Variants in AGFG1 observed in about 807,000 individuals in gnomAD.
AGFG1 encodes the protein arf-GAP domain and FG repeat-containing protein 1.
Under a neutral mutation model 60.6 loss-of-function variants are expected in AGFG1, and 10 were observed. The observed-to-expected ratio is 0.16, with a 90% CI of 0.10 to 0.28. AGFG1 has a LOEUF of 0.28. Ranked by LOEUF, AGFG1 falls within the 10% of genes least tolerant of loss-of-function variation. The pLI is 1.00. For synonymous variants in AGFG1, 247 were observed against 242.9 expected, an observed-to-expected ratio of 1.02 and a Z score of -0.16; for missense variants, 537 against 676.5, an observed-to-expected ratio of 0.79 and a Z score of 2.29.
chr2:227,519,456 G>A (rs1246047056), intron 2 of AGFG1, among the ~76,000 whole-genome samples: 1 of 151,856 alleles, frequency 6.6e-6, no homozygotes, highest in African/African-American at 2.4e-5. Context: ...TTAGCTATTG[G>A]ACCAAAAATG....
At chr2:227,520,175 G>C (rs758590740) in intron 3 of AGFG1, 112 bp downstream of exon 3, 75 of 609,804 alleles carry the variant, frequency 1.2e-4, no homozygotes, top group Non-Finnish European at 2.0e-4. Context: ...GAACTAGATA[G>C]GTATATAATT....
intron 2 of AGFG1, among the ~76,000 whole-genome samples, chr2:227,497,725 T>TG (rs1559173424): frequency 8.9e-4 from 64 of 71,894 alleles, no homozygotes; most frequent in Middle Eastern, 7.8e-3. Context: ...ATGAGTTTCT[T>TG]TCTTGTTTTG....
rs1656145482 is a variant in AGFG1 at position 227,557,171 on chromosome 2, C to T, written c.*2676C>T. 1 of 152,126 alleles carries T rather than the reference C, an allele frequency of 6.6e-6. No individual in the cohort carries two copies. The highest frequency in any genetic ancestry group is 2.4e-5 in the African/African-American group (1 of 41,428). 9.4% of individuals were successfully genotyped at this position (152,126 alleles called of 1,614,324 possible). ...GTTTAGTCACATCATTTTTCCTGTT[C>T]AGGTATCTGCAGATATCCCTGTTCA... On this transcript the variant is annotated 3_prime_UTR_variant, in exon 13 of 13. Transcript: ENST00000310078.
At chr2:227,489,223 G>GTTTTTTTTTTT (rs55762248) in intron 1 of AGFG1, among the ~76,000 whole-genome samples, 1 of 74,782 alleles carries the variant, frequency 1.3e-5, no homozygotes, top group African/African-American at 5.8e-5. Flanking sequence ...AGTTTTGAGA[G>GTTTTTTTTTTT]TTTTTTTTTT....
intron 2 of AGFG1, among the ~76,000 whole-genome samples, chr2:227,513,857 TA>T (rs1375066996): frequency 6.6e-6 from 1 of 152,234 alleles, no homozygotes; most frequent in Non-Finnish European, 1.5e-5. Context: ...AGTTCTTCCA[TA>T]ATATCTGGCT....
At chr2:227,550,727 A>G (rs990243592) in intron 10 of AGFG1, among the ~76,000 whole-genome samples, 1 of 152,188 alleles carries the variant, frequency 6.6e-6, no homozygotes. Flanking sequence ...TTTGGGCAAC[A>G]TCTATTACTT....
At chr2:227,514,032 G>A (rs1213380388) in intron 2 of AGFG1, among the ~76,000 whole-genome samples, 5 of 152,124 alleles carry the variant, frequency 3.3e-5, no homozygotes, top group East Asian at 1.9e-4. Context: ...GTTCAGAGGA[G>A]GGAGAGTGCT....
rs150375604 is a variant in AGFG1 at position 227,535,500 on chromosome 2, C to T, written c.1205+475C>T. Among the ~76,000 whole-genome samples, 933 of 152,262 alleles carry T rather than the reference C, an allele frequency of 6.1e-3. 7 individuals carry two copies. Among genetic ancestry groups the T allele is most frequent in the Middle Eastern group, 0.01 (3 of 294 alleles). On this transcript the variant is annotated intron_variant, in intron 8 of 12. Coordinates refer to ENST00000310078, the MANE Select transcript of AGFG1 (RefSeq NM_004504.5). ...TGTCATCCTCATATTTACAAATAAGCACATCTGCTGTTATGTTCATATATA... is the reference window on the plus strand; with the variant it reads ...TGTCATCCTCATATTTACAAATAAGTACATCTGCTGTTATGTTCATATATA...
At chr2:227,477,275 A>G (rs556379405) in intron 1 of AGFG1, among the ~76,000 whole-genome samples, 5 of 152,230 alleles carry the variant, frequency 3.3e-5, no homozygotes, top group Non-Finnish European at 7.3e-5. Context: ...ATACTAGCCC[A>G]TGTGCTGGAG....
At chr2:227,493,237 A>G (rs1690870408) in intron 2 of AGFG1, among the ~76,000 whole-genome samples, 1 of 152,128 alleles carries the variant, frequency 6.6e-6, no homozygotes, top group Admixed American at 6.5e-5. Flanking sequence ...TTAATTATAG[A>G]CATAGTGCTG....
intron 10 of AGFG1, among the ~76,000 whole-genome samples, chr2:227,544,884 C>T (rs1487580480): frequency 6.6e-6 from 1 of 152,082 alleles, no homozygotes; most frequent in Non-Finnish European, 1.5e-5. Context: ...TCTGGCTGCC[C>T]TTAACATTTT....
chr2:227,501,414 C>T (rs76631564), intron 2 of AGFG1, among the ~76,000 whole-genome samples: 1,745 of 152,232 alleles, frequency 0.011, 36 homozygotes, highest in African/African-American at 0.04. Context: ...ATTCAGTATT[C>T]GTTCAATTTT....
Position 227,515,341 on chromosome 2 carries a change from A to G in AGFG1, c.262-4607A>G, listed in dbSNP as rs150068491. ...TCCTTGACCTCCAGTGATCCTTCAT[A>G]CTACTTTAGACCTTTTATTGATTGA... On this transcript the variant is annotated intron_variant, in intron 2 of 12. Coordinates refer to ENST00000310078, the MANE Select transcript of AGFG1 (RefSeq NM_004504.5). Among the ~76,000 whole-genome samples the G allele has an allele frequency of 3.7e-4, 56 of 152,172 alleles. No homozygotes were observed. The East Asian group carries it at 0.01, about 27-fold the overall frequency.
chr2:227,536,242 A>G (rs947179225), intron 8 of AGFG1, among the ~76,000 whole-genome samples: 8 of 138,942 alleles, frequency 5.8e-5, no homozygotes, highest in South Asian at 2.2e-4. Context: ...TTGTTGTTCA[A>G]CTCACACCTA....
At chr2:227,524,143 C>T (rs1013995337) in intron 4 of AGFG1, among the ~76,000 whole-genome samples, 2 of 151,748 alleles carry the variant, frequency 1.3e-5, no homozygotes, top group African/African-American at 4.9e-5. Flanking sequence ...GACTTCTCTG[C>T]AACTTTGTAA....
In AGFG1 at chr2:227,554,338, A is replaced by G. The variant is rs1692906586; in HGVS notation, c.1630-98A>G. On this transcript the variant is annotated intron_variant, in intron 12 of 12. Coordinates refer to ENST00000310078, the MANE Select transcript of AGFG1 (RefSeq NM_004504.5). ...ATTTAAAAAATAATTCTTAACCAAA[A>G]AGTCTAATTAAAAAAATTAAATTCA... The G allele has an allele frequency of 4.0e-6, 4 of 992,158 alleles. No homozygotes were observed. The Admixed American group carries it at 1.0e-4, about 25-fold the overall frequency. 61.5% of individuals were successfully genotyped at this position (992,158 alleles called of 1,614,324 possible).
At chr2:227,523,350 A>G (rs1453516053) in intron 3 of AGFG1, among the ~76,000 whole-genome samples, 4 of 152,226 alleles carry the variant, frequency 2.6e-5, no homozygotes, top group African/African-American at 9.6e-5. Context: ...TAACTGTAAT[A>G]TTACAAATGT....
At chr2:227,508,421 A>C in intron 2 of AGFG1, 1 of 267,632 alleles carries the variant, frequency 3.7e-6, no homozygotes, top group Admixed American at 4.4e-5. Flanking sequence ...TCTGAAGGTT[A>C]TATGACCAAA....
chr2:227,534,833 G>A lies in AGFG1; in HGVS notation c.1025-12G>A, dbSNP rs754654721. ...TAAATTTTTGGTGTAACTTGATTTT[G>A]TTCGTTCCCAGGTGGTGATCAGGGA... On this transcript the variant is annotated splice_polypyrimidine_tract_variant and intron_variant, in intron 7 of 12. Coordinates refer to ENST00000310078, the MANE Select transcript of AGFG1 (RefSeq NM_004504.5). 1 of 1,606,984 alleles carries A rather than the reference G, an allele frequency of 6.2e-7. No homozygotes were observed. The highest frequency in any genetic ancestry group is 8.5e-7 in the Non-Finnish European group (1 of 1,176,646).
Sources: gnomAD v4.1 joint callset for allele counts (sites outside exome capture counted in the v4.1 genomes callset) on GRCh38, gnomAD v4.1.1 for gene constraint, MANE v1.5 for transcripts, NCBI Gene and HGNC (gene_info 2026-07-23, HGNC 2026-07-21) for gene names.